Variants in LRP4 observed in about 807,000 individuals in gnomAD.
LRP4 encodes LDL receptor related protein 4.
In LRP4, 95 loss-of-function variants were observed where a neutral mutation model predicts 220.3. That is an observed-to-expected ratio of 0.43 (90% CI 0.37 to 0.51). The LOEUF (loss-of-function observed/expected upper bound fraction) is 0.51. Among genes scored for constraint, LRP4 ranks in the 20% least tolerant of loss-of-function variants. LRP4 has a pLI of 0.00. For synonymous variants in LRP4, 903 were observed against 954.6 expected (o/e 0.95, Z 1.00); for missense variants, 1,925 against 2,567.0 (o/e 0.75, Z 5.40).
At chr11:46,905,906 T>G (rs1477000921) in intron 1 of LRP4, among the ~76,000 whole-genome samples, 1 of 149,850 alleles carries the variant, frequency 6.7e-6, no homozygotes, top group Non-Finnish European at 1.5e-5. Flanking sequence ...GACAAAGAAT[T>G]ATCTGGCCCA....
At position 46,890,600 on chromosome 11, in the gene LRP4, A is replaced by G. The variant is rs1941400844; in HGVS notation, c.1698-106T>C. The G allele has an allele frequency of 7.8e-6, 6 of 770,928 alleles. No individual in the cohort carries two copies. Among genetic ancestry groups the G allele is most frequent in the Admixed American group, 2.1e-5 (1 of 47,870 alleles). The allele number at this position is 770,928 out of a possible 1,614,324, so 47.8% of individuals were successfully genotyped here. A position where few individuals can be genotyped will look rare whatever the true frequency, so the allele number is the denominator to read the frequency against. On this transcript the variant is annotated intron_variant, in intron 13 of 37. Coordinates refer to ENST00000378623, the MANE Select transcript of LRP4 (RefSeq NM_002334.4). The surrounding 1 kb of genome is among the most constrained non-coding windows in gnomAD (Gnocchi z 5.3). ...TATCCATTTAACTCAGGGGACTCCA[A>G]TGTTTGGTCCACAGAATGAATTTTT...
In LRP4 at chr11:46,890,227, G is replaced by A; in HGVS notation, c.1915+50C>T. 1.2e-6 allele frequency: 2 copies of A among 1,606,542 alleles called. No homozygotes were observed. The highest frequency in any genetic ancestry group is 1.7e-6 in the Non-Finnish European group (2 of 1,173,372). On this transcript the variant is annotated intron_variant, in intron 14 of 37. Coordinates refer to ENST00000378623, the MANE Select transcript of LRP4 (RefSeq NM_002334.4). The surrounding 1 kb of genome is among the most constrained non-coding windows in gnomAD (Gnocchi z 5.3). Reference sequence around the variant, plus strand: ...TCTACCAAGGCTCCTGGGGGGCAGGGACGGGGGCAGGAGGACAAGAGATGA... The same window carrying A: ...TCTACCAAGGCTCCTGGGGGGCAGGAACGGGGGCAGGAGGACAAGAGATGA...
chr11:46,866,792 C>T (rs1255883395), intron 34 of LRP4, among the ~76,000 whole-genome samples: 1 of 152,060 alleles, frequency 6.6e-6, no homozygotes, highest in Non-Finnish European at 1.5e-5. Flanking sequence ...TAGTGGCACA[C>T]ATTTATAGTC....
At position 46,885,553 on chromosome 11, in the gene LRP4, C is replaced by T. The variant is rs113023302; in HGVS notation, c.2506+538G>A. Among the ~76,000 whole-genome samples the T allele has an allele frequency of 1.7e-3, 260 of 152,248 alleles. 1 individual carries two copies. Among genetic ancestry groups the T allele is most frequent in the African/African-American group, 6.0e-3 (249 of 41,558 alleles). On this transcript the variant is annotated intron_variant, in intron 18 of 37. Coordinates refer to ENST00000378623, the MANE Select transcript of LRP4 (RefSeq NM_002334.4). ...CTTTGGGAGGCTAAGGCGGGTGGATCACCAGGTCAGGAGATCAAGACCATC... is the reference window on the plus strand; with the variant it reads ...CTTTGGGAGGCTAAGGCGGGTGGATTACCAGGTCAGGAGATCAAGACCATC...
At chr11:46,897,500 C>G (rs1191036776) in intron 7 of LRP4, among the ~76,000 whole-genome samples, 1 of 150,006 alleles carries the variant, frequency 6.7e-6, no homozygotes, top group Non-Finnish European at 1.5e-5. Flanking sequence ...CTCTGGTTTT[C>G]CTAGGCAGAG....
chr11:46,876,869 G>A (rs377691337), intron 23 of LRP4, 39 bp from the exon 24 acceptor site: 27 of 1,445,848 alleles, frequency 1.9e-5, no homozygotes, highest in East Asian at 1.1e-4. Flanking sequence ...GACCCTCACC[G>A]CCTACAATGG....
chr11:46,889,736 G>A, intron 15 of LRP4: 1 of 834,996 alleles, frequency 1.2e-6, no homozygotes, highest in Non-Finnish European at 1.9e-6. Flanking sequence ...AATTAGATGG[G>A]AACGGTGAAG....
At chr11:46,906,675 C>T (rs1397379845) in intron 1 of LRP4, among the ~76,000 whole-genome samples, 2 of 152,076 alleles carry the variant, frequency 1.3e-5, no homozygotes, top group Non-Finnish European at 2.9e-5. Flanking sequence ...CCTGGGGCTG[C>T]GTGCAAATGA....
chr11:46,872,204 C>T (rs765861286), intron 30 of LRP4, among the ~76,000 whole-genome samples: 2 of 152,158 alleles, frequency 1.3e-5, no homozygotes, highest in Non-Finnish European at 2.9e-5. Context: ...TGCAGTGAGC[C>T]GAGATCGTGC....
chr11:46,900,173 T>C, intron 3 of LRP4, 89 bp downstream of exon 3: 1 of 1,064,566 alleles, frequency 9.4e-7, no homozygotes, highest in Non-Finnish European at 1.5e-6. Context: ...ACACAAGGGC[T>C]CATGTGGACC....
chr11:46,915,314 A>G (rs1460675706), intron 1 of LRP4, among the ~76,000 whole-genome samples: 4 of 152,328 alleles, frequency 2.6e-5, no homozygotes, highest in Non-Finnish European at 5.9e-5. Context: ...AGAAGTTTTA[A>G]CATTTCCCTT....
At position 46,879,274 on chromosome 11, in the gene LRP4, G is replaced by GGTCA; in HGVS notation, c.2852_2855dup (p.Leu953AspfsTer11). The GGTCA allele has an allele frequency of 6.2e-7, 1 of 1,614,186 alleles. No homozygotes were observed. The highest frequency in any genetic ancestry group is 1.1e-5 in the South Asian group (1 of 91,084). On this transcript the variant is annotated frameshift_variant, in exon 21 of 38. Coordinates refer to ENST00000378623, the MANE Select transcript of LRP4 (RefSeq NM_002334.4). LOFTEE classifies it high-confidence loss of function. ...TCCAATAGATGCGCTCTCCATAGAG[G>GGTCA]GTCAGCCCAAATGGGTGGGGGAGCT...
chr11:46,869,060 T>C lies in LRP4; in HGVS notation c.4765A>G (p.Asn1589Asp). ...ACATTTGCCAGCACTGTCTCCTTGT[T>C]CCGGCCTGAGTATTTGTCAACACGC... ...IQRVDKYSGRNKETVLANVEG... is the reference protein window; with the variant it reads ...IQRVDKYSGRDKETVLANVEG... Residue 1589 changes from asparagine (N) to aspartate (D), a missense_variant, in exon 32 of 38, where the codon AAC becomes GAC. Transcript: ENST00000378623. 1 of 1,614,186 alleles carries C rather than the reference T, an allele frequency of 6.2e-7. No individual in the cohort carries two copies. Among genetic ancestry groups the C allele is most frequent in the Non-Finnish European group, 8.5e-7 (1 of 1,180,038 alleles).
In LRP4 at chr11:46,886,446, G is replaced by A; in HGVS notation, c.2303C>T (p.Pro768Leu). The A allele has an allele frequency of 6.2e-7, 1 of 1,614,066 alleles. No homozygotes were observed. Among genetic ancestry groups the A allele is most frequent in the Non-Finnish European group, 8.5e-7 (1 of 1,179,972 alleles). The part of the protein sequence containing the change: ...DTEDLSDDVI[P>L]LADVRSAVAL... The stretch of plus-strand genomic sequence containing the variant: ...CACAGCACTGCGCACGTCAGCCAGT[G>A]GGATGACATCATCAGACAGGTCCTC... The change falls in exon 17 of 38, where the codon CCA becomes CTA. Residue 768 changes from proline (P) to leucine (L), a missense_variant. This residue lies in a region of LRP4 where 1,244 missense variants were observed against 1,624.9 expected (regional missense o/e 0.77). Transcript: ENST00000378623.
chr11:46,881,495 C>G (rs542652648), intron 20 of LRP4, among the ~76,000 whole-genome samples: 50 of 152,276 alleles, frequency 3.3e-4, no homozygotes, highest in African/African-American at 1.1e-3. Context: ...CATCATCAAC[C>G]AGCAGCCCTT....
chr11:46,861,081 G>T, intron 37 of LRP4: 2 of 301,018 alleles, frequency 6.6e-6, no homozygotes, highest in Non-Finnish European at 9.8e-6. Context: ...TGGAGCATCA[G>T]ATACTCCAGG....
intron 13 of LRP4, among the ~76,000 whole-genome samples, chr11:46,892,643 C>A (rs1354709995): frequency 6.6e-6 from 1 of 150,642 alleles, no homozygotes; most frequent in East Asian, 1.9e-4. Flanking sequence ...GCAATCTCAG[C>A]TCACTGTAAC....
At chr11:46,897,435 G>A (rs1592543649) in intron 7 of LRP4, among the ~76,000 whole-genome samples, 1 of 148,286 alleles carries the variant, frequency 6.7e-6, no homozygotes, top group East Asian at 2.0e-4. Context: ...GGATTTGGCA[G>A]GGTCATAGGA....
At position 46,896,253 on chromosome 11, in the gene LRP4, G is replaced by A. The variant is rs141757569; in HGVS notation, c.1005C>T (p.Asn335=). The A allele has an allele frequency of 1.4e-4, 219 of 1,614,136 alleles. 1 individual carries two copies. In the African/African-American group the frequency reaches 2.7e-3, roughly 20 times the overall value. Residue 335 remains asparagine (N), a synonymous_variant, in exon 9 of 38, where the codon AAC becomes AAT. Coordinates refer to ENST00000378623, the MANE Select transcript of LRP4 (RefSeq NM_002334.4). The part of the protein sequence containing the change: ...IGQRKLCNGV[N]DCGDNSDESP... ...TTTCGTCGCTGTTGTCACCACAGTC[G>A]TTGACCCCGTTGCACAGCTTCCTCT...
Sources: allele counts gnomAD v4.1 joint callset (sites outside exome capture counted in the v4.1 genomes callset), GRCh38; gene constraint gnomAD v4.1.1; regional missense constraint gnomAD v4.1.1; non-coding constraint Gnocchi (gnomAD v3.1); transcripts MANE v1.5; gene names NCBI Gene and HGNC (gene_info 2026-07-23, HGNC 2026-07-21).